Variants in PIK3C2A observed in about 807,000 individuals in gnomAD.
PIK3C2A encodes the protein phosphatidylinositol 4-phosphate 3-kinase C2 domain-containing subunit alpha.
PIK3C2A carries 97 observed loss-of-function variants against 204.5 expected under a neutral mutation model. That is an observed-to-expected ratio of 0.47 (90% CI 0.40 to 0.56). The LOEUF is 0.56. Among genes scored for constraint, PIK3C2A ranks in the 20% least tolerant of loss-of-function variants. The pLI, the probability that PIK3C2A is intolerant of heterozygous loss-of-function variation, is 0.00. For missense variants in PIK3C2A, 1,735 were observed against 1,969.2 expected (o/e 0.88, Z 2.25); for synonymous variants, 653 against 664.4 (o/e 0.98, Z 0.26).
intron 2 of PIK3C2A, among the ~76,000 whole-genome samples, chr11:17,157,768 C>T (rs1850644778): frequency 6.6e-6 from 1 of 152,118 alleles, no homozygotes; most frequent in African/African-American, 2.4e-5. Flanking sequence ...CTCATAGTTA[C>T]CAATCACATA....
intron 2 of PIK3C2A, among the ~76,000 whole-genome samples, chr11:17,168,276 A>T (rs1192228520): frequency 6.6e-6 from 1 of 151,772 alleles, no homozygotes; most frequent in African/African-American, 2.4e-5. Context: ...AGTGAAAAAT[A>T]TTTTTTTTTC....
chr11:17,206,407 A>G (rs1852575326), intron 1 of PIK3C2A, among the ~76,000 whole-genome samples: 1 of 152,054 alleles, frequency 6.6e-6, no homozygotes, highest in Admixed American at 6.6e-5. Flanking sequence ...TACTAAACAA[A>G]TATCTTATAT....
rs1848225608 is a variant in PIK3C2A, at chr11:17,089,146, T to G, written c.*592A>C. On this transcript the variant is annotated 3_prime_UTR_variant, in exon 33 of 33. Transcript: ENST00000691414. ...CACCATTATTTACAACATCAGTGATTGGCACTTATTCTGAAAAAGGCTTTA... is the reference window on the plus strand; with the variant it reads ...CACCATTATTTACAACATCAGTGATGGGCACTTATTCTGAAAAAGGCTTTA... The G allele has an allele frequency of 6.6e-6, 1 of 152,214 alleles. No individual in the cohort carries two copies. Among genetic ancestry groups the G allele is most frequent in the Non-Finnish European group, 1.5e-5 (1 of 68,030 alleles). The allele number at this position is 152,214 out of a possible 1,614,324, so 9.4% of individuals were successfully genotyped here.
At chr11:17,193,469 C>A (rs192113164) in intron 1 of PIK3C2A, 13 of 419,038 alleles carry the variant, frequency 3.1e-5, no homozygotes, top group Middle Eastern at 7.7e-4. Context: ...GCTTCAGGAG[C>A]CATGGCTTAG....
chr11:17,152,556 G>A (rs1282621944), intron 3 of PIK3C2A, among the ~76,000 whole-genome samples: 2 of 152,008 alleles, frequency 1.3e-5, no homozygotes, highest in African/African-American at 4.8e-5. Flanking sequence ...GTATTTTTAT[G>A]GATACTCTAA....
chr11:17,180,391 A>G (rs1174395434), intron 1 of PIK3C2A, among the ~76,000 whole-genome samples: 2 of 152,072 alleles, frequency 1.3e-5, no homozygotes, highest in Non-Finnish European at 2.9e-5. Context: ...TAAAAACAAT[A>G]GAACCATAAA....
At chr11:17,160,665 T>C (rs1850744503) in intron 2 of PIK3C2A, among the ~76,000 whole-genome samples, 1 of 151,874 alleles carries the variant, frequency 6.6e-6, no homozygotes. Context: ...CTCTACACAA[T>C]ATACAAAACT....
intron 13 of PIK3C2A, among the ~76,000 whole-genome samples, chr11:17,128,956 C>T (rs973149367): frequency 4.6e-5 from 7 of 152,154 alleles, no homozygotes; most frequent in Non-Finnish European, 8.8e-5. Flanking sequence ...AAAGGAAAAA[C>T]GAAGTTCTTT....
chr11:17,110,365 G>C lies in PIK3C2A; in HGVS notation c.3544+67C>G, dbSNP rs1156468690. ...AGGGTATCTGCATCAGGATGTTTAC[G>C]GCAGGTACACTTTAAGCTAAGTTCA... On this transcript the variant is annotated intron_variant, in intron 22 of 32. Coordinates refer to ENST00000691414, the MANE Select transcript of PIK3C2A (RefSeq NM_002645.4). 4 of 1,196,450 alleles carry C rather than the reference G, an allele frequency of 3.3e-6. No individual in the cohort carries two copies. In the African/African-American group the frequency reaches 6.1e-5, roughly 18 times the overall value. The allele number at this position is 1,196,450 out of a possible 1,614,324, so 74.1% of individuals were successfully genotyped here.
chr11:17,197,562 G>T (rs1479766261), intron 1 of PIK3C2A, among the ~76,000 whole-genome samples: 2 of 152,016 alleles, frequency 1.3e-5, no homozygotes, highest in Non-Finnish European at 2.9e-5. Context: ...TTCTATGTCT[G>T]CATATGTGTA....
chr11:17,144,649 C>A (rs1411830786), intron 8 of PIK3C2A, among the ~76,000 whole-genome samples: 1 of 152,030 alleles, frequency 6.6e-6, no homozygotes, highest in East Asian at 1.9e-4. Context: ...AACCCTAGCA[C>A]TTTAGATGGC....
intron 26 of PIK3C2A, among the ~76,000 whole-genome samples, chr11:17,098,015 C>T (rs1234932650): frequency 1.3e-5 from 2 of 152,180 alleles, no homozygotes; most frequent in Non-Finnish European, 2.9e-5. Flanking sequence ...CAGACTCCTT[C>T]AGGTAATCAT....
At chr11:17,101,461 A>G (rs1401855113) in intron 24 of PIK3C2A, 27 bp from the exon 25 acceptor site, 8 of 1,389,108 alleles carry the variant, frequency 5.8e-6, no homozygotes, top group Non-Finnish European at 7.9e-6. Flanking sequence ...TACATACAAA[A>G]TATTATTTAC....
At chr11:17,164,182 T>A (rs1292327608) in intron 2 of PIK3C2A, among the ~76,000 whole-genome samples, 1 of 152,026 alleles carries the variant, frequency 6.6e-6, no homozygotes, top group East Asian at 1.9e-4. Flanking sequence ...GGAGACCTCA[T>A]CTTCACAAAA....
intron 21 of PIK3C2A, among the ~76,000 whole-genome samples, chr11:17,110,945 T>G (rs1219549580): frequency 6.6e-6 from 1 of 152,164 alleles, no homozygotes; most frequent in African/African-American, 2.4e-5. Context: ...TCTTGCTCTA[T>G]CACCCAGGCT....
chr11:17,187,002 C>G (rs544973371), intron 1 of PIK3C2A, among the ~76,000 whole-genome samples: 90 of 152,086 alleles, frequency 5.9e-4, no homozygotes, highest in Non-Finnish European at 1.1e-3. Flanking sequence ...TTGCTTGAGC[C>G]AGGTCAAGGC....
intron 22 of PIK3C2A, among the ~76,000 whole-genome samples, chr11:17,108,683 C>T (rs988861491): frequency 1.8e-4 from 28 of 152,090 alleles, no homozygotes; most frequent in African/African-American, 6.8e-4. Flanking sequence ...CATGGCTTAG[C>T]AGAAGCTGGT....
intron 1 of PIK3C2A, among the ~76,000 whole-genome samples, chr11:17,202,417 C>A (rs1416352417): frequency 6.6e-6 from 1 of 151,772 alleles, no homozygotes; most frequent in Non-Finnish European, 1.5e-5. Context: ...CTACAAAAAA[C>A]ACAAAAATTA....
rs186760315 is a variant in PIK3C2A, at chr11:17,190,557, A to G, written c.-66+17291T>C. Among the ~76,000 whole-genome samples the G allele has an allele frequency of 8.2e-4, 122 of 148,726 alleles. 1 individual carries two copies. The highest frequency in any genetic ancestry group is 6.5e-3 in the Admixed American group (95 of 14,584). On this transcript the variant is annotated intron_variant, in intron 1 of 32. Transcript: ENST00000691414. ...CTGCACTCCATCCAGCCTGGGCGAC[A>G]GAGCAAGACTCTGTCTCAAAAAAAA...
Sources: gnomAD v4.1 joint callset for allele counts (sites outside exome capture counted in the v4.1 genomes callset) on GRCh38, gnomAD v4.1.1 for gene constraint, MANE v1.5 for transcripts, NCBI Gene and HGNC (gene_info 2026-07-23, HGNC 2026-07-21) for gene names.